Variants in GRB10 observed in about 807,000 individuals in gnomAD.
The protein encoded by GRB10 is growth factor receptor-bound protein 10.
In GRB10, 20 loss-of-function variants were observed where a neutral mutation model predicts 80.9. The ratio of observed to expected loss-of-function variants is 0.25; its 90% CI spans 0.17 to 0.36. GRB10 has a LOEUF of 0.36. Among genes scored for constraint, GRB10 ranks in the 10% least tolerant of loss-of-function variants. The pLI, the probability that GRB10 is intolerant of heterozygous loss-of-function variation, is 1.00. For missense variants in GRB10, 548 were observed against 747.7 expected (o/e 0.73, Z 3.12); for synonymous variants, 291 against 291.5 (o/e 1.00, Z 0.02).
intron 4 of GRB10, among the ~76,000 whole-genome samples, chr7:50,716,107 G>A (rs1174599428): frequency 6.6e-6 from 1 of 152,208 alleles, no homozygotes; most frequent in Non-Finnish European, 1.5e-5. Context: ...TGCATGTAAG[G>A]AAAATACCAA....
intron 3 of GRB10, among the ~76,000 whole-genome samples, chr7:50,739,853 C>A (rs2071417628): frequency 6.6e-6 from 1 of 152,144 alleles, no homozygotes. Flanking sequence ...ATTCCCTCTT[C>A]ACCCCTCAGT....
chr7:50,605,088 G>C lies in GRB10; in HGVS notation c.1389+202C>G, dbSNP rs567069346. On this transcript the variant is annotated intron_variant, in intron 15 of 18. Transcript: ENST00000401949. ...CCTTCCATGAAAGCCCAGGGGACAG[G>C]GGACAGCGGGGAAAGGCTGGGTGCT... 1.1e-4 allele frequency: 67 copies of C among 599,776 alleles called. No individual in the cohort carries two copies. In the African/African-American group the frequency reaches 1.2e-3, roughly 10 times the overall value. 37.2% of individuals were successfully genotyped at this position (599,776 alleles called of 1,614,324 possible). A position where few individuals can be genotyped will look rare whatever the true frequency, so the allele number is the denominator to read the frequency against.
At chr7:50,637,015 T>C (rs1441183772) in intron 7 of GRB10, among the ~76,000 whole-genome samples, 1 of 152,224 alleles carries the variant, frequency 6.6e-6, no homozygotes, top group Non-Finnish European at 1.5e-5. Context: ...TCTGGCTCTG[T>C]CACTTTGCTG....
chr7:50,653,779 T>C (rs2058299854), intron 7 of GRB10, among the ~76,000 whole-genome samples: 1 of 152,074 alleles, frequency 6.6e-6, no homozygotes, highest in Non-Finnish European at 1.5e-5. Context: ...ACCCCTGCCA[T>C]CCCCCAGGTG....
At chr7:50,744,549 G>A (rs2072514295) in intron 3 of GRB10, among the ~76,000 whole-genome samples, 1 of 152,314 alleles carries the variant, frequency 6.6e-6, no homozygotes, top group Admixed American at 6.5e-5. Context: ...CATGTTGTAT[G>A]TCATATAGTT....
intron 3 of GRB10, among the ~76,000 whole-genome samples, chr7:50,749,467 G>A (rs1435419070): frequency 1.3e-5 from 2 of 152,118 alleles, no homozygotes; most frequent in African/African-American, 4.8e-5. Flanking sequence ...ATGTATAATT[G>A]TGAGATGGAA....
At chr7:50,657,024 G>A (rs541133462) in intron 7 of GRB10, among the ~76,000 whole-genome samples, 5 of 152,318 alleles carry the variant, frequency 3.3e-5, no homozygotes, top group Admixed American at 3.3e-4. Flanking sequence ...TGGTCACTGT[G>A]AAGTAGGTAA....
At chr7:50,597,389 GTTC>G (rs928445894) in intron 17 of GRB10, among the ~76,000 whole-genome samples, 14 of 152,392 alleles carry the variant, frequency 9.2e-5, no homozygotes, top group Admixed American at 8.5e-4. Context: ...AGGAGATCCA[GTTC>G]TTCTCCCAAG....
chr7:50,748,263 C>T (rs970209237), intron 3 of GRB10, among the ~76,000 whole-genome samples: 9 of 152,192 alleles, frequency 5.9e-5, no homozygotes, highest in Non-Finnish European at 8.8e-5. Context: ...GGAGGAGGCC[C>T]CGTGGCCCAT....
chr7:50,626,835 C>G lies in GRB10; in HGVS notation c.648G>C (p.Pro216=). Residue 216 remains proline (P), a synonymous_variant, in exon 8 of 19, where the codon CCG becomes CCC. Coordinates refer to ENST00000401949, the MANE Select transcript of GRB10 (RefSeq NM_001350814.2). ...ATGGTTCCCTACCTAATCCTAGGTG[C>G]GGGTGGTGCTCCACTAGTGTCCAGC... ...DNSWTLVEHH[P]HLGLERCLED... is the part of the protein sequence containing the mutation. 1 of 1,614,138 alleles carries G rather than the reference C, an allele frequency of 6.2e-7. No homozygotes were observed.
intron 5 of GRB10, among the ~76,000 whole-genome samples, chr7:50,694,516 T>G (rs1261407862): frequency 6.6e-6 from 1 of 152,144 alleles, no homozygotes; most frequent in Non-Finnish European, 1.5e-5. Context: ...TGAATGACCT[T>G]GAATGACTCT....
intron 3 of GRB10, among the ~76,000 whole-genome samples, chr7:50,749,572 G>A (rs1049067692): frequency 4.4e-4 from 67 of 152,150 alleles, no homozygotes; most frequent in African/African-American, 1.6e-3. Flanking sequence ...ATCTCCAGGA[G>A]TTCTTCTTAG....
At chr7:50,754,618 A>G (rs904519351) in intron 3 of GRB10, among the ~76,000 whole-genome samples, 5 of 152,226 alleles carry the variant, frequency 3.3e-5, no homozygotes, top group Non-Finnish European at 7.3e-5. Context: ...TTAGAAAGGG[A>G]TGTGTAAAAT....
At chr7:50,622,180 G>T (rs74443971) in intron 8 of GRB10, among the ~76,000 whole-genome samples, 20 of 152,344 alleles carry the variant, frequency 1.3e-4, no homozygotes, top group African/African-American at 4.3e-4. Flanking sequence ...TAGCCCTGAC[G>T]TGTGGATAAG....
At chr7:50,601,996 G>C (rs2047694911) in intron 17 of GRB10, among the ~76,000 whole-genome samples, 1 of 152,260 alleles carries the variant, frequency 6.6e-6, no homozygotes, top group Admixed American at 6.5e-5. Context: ...GTCGAGAAGA[G>C]GTTTTGACTG....
intron 18 of GRB10, 57 bp from the exon 19 acceptor site, chr7:50,593,155 C>A: frequency 2.5e-6 from 4 of 1,593,928 alleles, no homozygotes; most frequent in Non-Finnish European, 3.4e-6. Flanking sequence ...GGGAACAGAA[C>A]GGGGCCCACG....
rs375224737 is a variant in GRB10, at chr7:50,593,078, C to T, written c.1659G>A (p.Thr553=). The change falls in exon 19 of 19, where the codon ACG becomes ACA. Residue 553 remains threonine (T), a synonymous_variant. Coordinates refer to ENST00000401949, the MANE Select transcript of GRB10 (RefSeq NM_001350814.2). The stretch of plus-strand genomic sequence containing the variant: ...TGTTCCCGTCATCTAGGCTGAAGAA[C>T]GTCTGCCCGTCGTCCTCGCACTGGA... The part of the protein sequence containing the change: ...QILPCEDDGQ[T]FFSLDDGNTK... 70 of 1,614,068 alleles carry T rather than the reference C, an allele frequency of 4.3e-5. No individual in the cohort carries two copies. The Middle Eastern group carries it at 4.9e-4, about 11-fold the overall frequency.
chr7:50,614,934 T>TC, intron 11 of GRB10, 54 bp from the exon 12 acceptor site: 1 of 1,146,634 alleles, frequency 8.7e-7, no homozygotes, highest in Non-Finnish European at 1.3e-6. Context: ...AGCAAATGTG[T>TC]TCACCTCTGG....
At chr7:50,682,410 C>T (rs1437842104) in intron 5 of GRB10, among the ~76,000 whole-genome samples, 1 of 152,202 alleles carries the variant, frequency 6.6e-6, no homozygotes, top group Non-Finnish European at 1.5e-5. Flanking sequence ...AACGTGCCCT[C>T]AGGCAGGGTC....
Sources: allele counts gnomAD v4.1 joint callset (sites outside exome capture counted in the v4.1 genomes callset), GRCh38; gene constraint gnomAD v4.1.1; transcripts MANE v1.5; gene names NCBI Gene and HGNC (gene_info 2026-07-23, HGNC 2026-07-21).